OTULINL: variants seen among roughly 807,000 people sequenced by gnomAD.
OTULINL encodes the protein inactive ubiquitin thioesterase OTULINL.
In OTULINL, 42 loss-of-function variants were observed where a neutral mutation model predicts 43.9. The observed-to-expected ratio is 0.96, with a 90% CI of 0.75 to 1.24. The LOEUF is 1.24. Ranked by LOEUF, OTULINL falls within the 50% of genes most tolerant of loss-of-function variation. OTULINL has a pLI of 0.00. For missense variants in OTULINL, 411 were observed against 426.4 expected (o/e 0.96, Z 0.32); for synonymous variants, 172 against 153.6 (o/e 1.12, Z -0.88).
At chr5:14,605,880 C>G (rs1194281395) in intron 5 of OTULINL, among the ~76,000 whole-genome samples, 1 of 152,204 alleles carries the variant, frequency 6.6e-6, no homozygotes. Context: ...AGCCATTCAA[C>G]AAGTCTCTAG....
At chr5:14,582,321 G>A (rs1303021854) in intron 1 of OTULINL, among the ~76,000 whole-genome samples, 2 of 151,932 alleles carry the variant, frequency 1.3e-5, no homozygotes, top group East Asian at 3.9e-4. Flanking sequence ...CGGAGGTCGC[G>A]CCCTGCGCCT....
In OTULINL at chr5:14,601,419, C is replaced by T; in HGVS notation, c.325C>T (p.Pro109Ser). 5 of 1,614,014 alleles carry T rather than the reference C, an allele frequency of 3.1e-6. No homozygotes were observed. The highest frequency in any genetic ancestry group is 4.2e-6 in the Non-Finnish European group (5 of 1,179,962). The change falls in exon 4 of 8, where the codon CCC (proline) becomes TCC (serine). Residue 109 changes from proline (P) to serine (S), a missense_variant. Physicochemically the swap from Pro to Ser is moderately conservative, Grantham distance 74. Transcript: ENST00000274217. ...TGCAAGAGAATGGAAAGGAGAGACACCCCGTAACAAGCTGATGAGGAAGGT... is the reference window on the plus strand; with the variant it reads ...TGCAAGAGAATGGAAAGGAGAGACATCCCGTAACAAGCTGATGAGGAAGGT... The part of the protein sequence containing the change: ...YCAREWKGET[P>S]RNKLMRKAYE...
intron 1 of OTULINL, among the ~76,000 whole-genome samples, chr5:14,591,290 TAG>T (rs1241233973): frequency 1.3e-5 from 2 of 152,292 alleles, no homozygotes; most frequent in Admixed American, 6.5e-5. Flanking sequence ...GACTGAAAGG[TAG>T]ATACAGATGT....
chr5:14,605,457 A>G (rs1382539976), intron 5 of OTULINL, among the ~76,000 whole-genome samples: 1 of 151,868 alleles, frequency 6.6e-6, no homozygotes, highest in Non-Finnish European at 1.5e-5. Context: ...TGTCCTGGAG[A>G]CATTTTCCTC....
chr5:14,609,922 T>A (rs1196892227), intron 7 of OTULINL, among the ~76,000 whole-genome samples: 1 of 152,194 alleles, frequency 6.6e-6, no homozygotes, highest in African/African-American at 2.4e-5. Flanking sequence ...CTGGCCGTGA[T>A]TTTTACATGC....
chr5:14,590,643 A>AG (rs887804216), intron 1 of OTULINL, among the ~76,000 whole-genome samples: 27 of 152,270 alleles, frequency 1.8e-4, no homozygotes, highest in African/African-American at 5.5e-4. Context: ...CACTGAACCC[A>AG]GGGGGACAAA....
intron 1 of OTULINL, among the ~76,000 whole-genome samples, chr5:14,588,343 C>G (rs1037950408): frequency 1.3e-5 from 2 of 152,082 alleles, no homozygotes; most frequent in Non-Finnish European, 2.9e-5. Flanking sequence ...GTCCAGATGG[C>G]TCAGCTGTCT....
intron 1 of OTULINL, among the ~76,000 whole-genome samples, chr5:14,596,840 G>C (rs562966796): frequency 6.6e-6 from 1 of 152,146 alleles, no homozygotes; most frequent in African/African-American, 2.4e-5. Context: ...AGGGCGTCAC[G>C]TGGTGAGAGG....
Position 14,601,236 on chromosome 5 carries a change from A to G in OTULINL, c.248A>G (p.Lys83Arg). The change falls in exon 3 of 8, where the codon AAA (lysine) becomes AGA (arginine). Residue 83 changes from lysine (K) to arginine (R), a missense_variant. Physicochemically the swap from Lys to Arg is conservative, Grantham distance 26. Transcript: ENST00000274217. The stretch of plus-strand genomic sequence containing the variant: ...AGGTGGATTGGATATCTGCAGAGAA[A>G]ATTCAAAAGTAAATATTTTCATTCA... ...LKWWIGYLQR[K>R]FKRNLSVEAE... 6.2e-7 allele frequency: 1 copy of G among 1,612,340 alleles called. No homozygotes were observed. The highest frequency in any genetic ancestry group is 8.5e-7 in the Non-Finnish European group (1 of 1,179,048).
At position 14,584,252 on chromosome 5, in the gene OTULINL, C is replaced by T. The variant is rs562914346; in HGVS notation, c.64+2294C>T. On this transcript the variant is annotated intron_variant, in intron 1 of 7. Transcript: ENST00000274217. ...AACTGTCTTTATTGGCTCAGCTCTG[C>T]TGTGGTTCTCTCCACCACTGTCCAT... Among the ~76,000 whole-genome samples the T allele has an allele frequency of 2.0e-5, 3 of 152,300 alleles. No individual in the cohort carries two copies. The East Asian group carries it at 5.8e-4, about 29-fold the overall frequency.
intron 1 of OTULINL, among the ~76,000 whole-genome samples, chr5:14,594,715 G>C (rs1189718982): frequency 6.6e-6 from 1 of 152,170 alleles, no homozygotes; most frequent in South Asian, 2.1e-4. Context: ...CCTCTGTACA[G>C]CACTTCCTGC....
Position 14,608,855 on chromosome 5 carries a change from C to T in OTULINL, c.735C>T (p.Phe245=), listed in dbSNP as rs1183781528. 6.2e-7 allele frequency: 1 copy of T among 1,614,018 alleles called. No individual in the cohort carries two copies. Among genetic ancestry groups the T allele is most frequent in the Non-Finnish European group, 8.5e-7 (1 of 1,179,918 alleles). ...LEYKLYEALK[F]IMLYQVTEVY... is the part of the protein sequence containing the mutation. ...ATAAACTTTATGAAGCTTTAAAGTTCATCATGCTGTATCAAGTCACTGAAG... is the reference window on the plus strand; with the variant it reads ...ATAAACTTTATGAAGCTTTAAAGTTTATCATGCTGTATCAAGTCACTGAAG... Residue 245 remains phenylalanine (F), a synonymous_variant, in exon 7 of 8, where the codon TTC becomes TTT. Coordinates refer to ENST00000274217, the MANE Select transcript of OTULINL (RefSeq NM_019018.3).
intron 5 of OTULINL, among the ~76,000 whole-genome samples, chr5:14,605,850 A>G (rs937132336): frequency 6.6e-6 from 1 of 152,158 alleles, no homozygotes; most frequent in African/African-American, 2.4e-5. Flanking sequence ...TATCCATATC[A>G]TTATCAGCAT....
chr5:14,584,511 A>G (rs143891382), intron 1 of OTULINL, among the ~76,000 whole-genome samples: 376 of 152,260 alleles, frequency 2.5e-3, no homozygotes, highest in African/African-American at 8.7e-3. Flanking sequence ...GTTTAATGCT[A>G]AATCAGAAAT....
chr5:14,614,074 T>G lies in OTULINL; in HGVS notation c.*3760T>G, dbSNP rs999904091. Among the ~76,000 whole-genome samples the G allele has an allele frequency of 6.6e-6, 1 of 152,148 alleles. No individual in the cohort carries two copies. The highest frequency in any genetic ancestry group is 6.6e-5 in the Admixed American group (1 of 15,262). On this transcript the variant is annotated 3_prime_UTR_variant, in exon 8 of 8. Transcript: ENST00000274217. ...AATATATGCAAGCATGAATAAAGGG[T>G]TGACTAATTCCAGAATTAGCAATAA...
chr5:14,581,926 G>A lies in OTULINL; in HGVS notation c.32G>A (p.Arg11Lys). Residue 11 changes from arginine (R) to lysine (K), a missense_variant, in exon 1 of 8, where the codon AGG (arginine) becomes AAG (lysine). Coordinates refer to ENST00000274217, the MANE Select transcript of OTULINL (RefSeq NM_019018.3). ...GCGACAAGGAGCCCCACGCGGGCAA[G>A]GGAGCGGGAGCGGTCTGGCGCTCCC... MAATRSPTRA[R>K]ERERSGAPAA... The A allele has an allele frequency of 7.1e-7, 1 of 1,400,492 alleles. No individual in the cohort carries two copies. The highest frequency in any genetic ancestry group is 9.3e-7 in the Non-Finnish European group (1 of 1,077,644). The allele number at this position is 1,400,492 out of a possible 1,614,324, so 86.8% of individuals were successfully genotyped here.
chr5:14,603,314 T>C (rs1188832947), intron 5 of OTULINL, among the ~76,000 whole-genome samples: 1 of 152,212 alleles, frequency 6.6e-6, no homozygotes, highest in Non-Finnish European at 1.5e-5. Flanking sequence ...GTATGAACAA[T>C]AGGTTTCATA....
rs146329489 is a variant in OTULINL, at chr5:14,605,622, C to T, written c.499-1708C>T. On this transcript the variant is annotated intron_variant, in intron 5 of 7. Coordinates refer to ENST00000274217, the MANE Select transcript of OTULINL (RefSeq NM_019018.3). ...ACGCTCTCTCTTTCAAAACTGAATG[C>T]CTTTAACAGCATCCAAGTCACTTCT... is the stretch of plus-strand genomic sequence containing the variant. Among the ~76,000 whole-genome samples the T allele has an allele frequency of 3.3e-5, 5 of 152,260 alleles. No homozygotes were observed. The East Asian group carries it at 9.6e-4, about 29-fold the overall frequency.
rs1168599172 is a variant in OTULINL at position 14,584,282 on chromosome 5, T to A, written c.64+2324T>A. ...GTTCTCTCCACCACTGTCCATCTGT[T>A]CAGTGGTAACATTCACATTTCAGCC... On this transcript the variant is annotated intron_variant, in intron 1 of 7. Transcript: ENST00000274217. 2.6e-5 allele frequency among the ~76,000 whole-genome samples: 4 copies of A among 152,316 alleles called. No homozygotes were observed. The East Asian group carries it at 7.7e-4, about 29-fold the overall frequency.
Sources: gnomAD v4.1 joint callset for allele counts (sites outside exome capture counted in the v4.1 genomes callset) on GRCh38, gnomAD v4.1.1 for gene constraint, MANE v1.5 for transcripts, NCBI Gene and HGNC (gene_info 2026-07-23, HGNC 2026-07-21) for gene names.